Variants in PRDM16 observed in about 807,000 individuals in gnomAD.
The protein encoded by PRDM16 is PR/SET domain 16.
In PRDM16, 23 loss-of-function variants were observed where a neutral mutation model predicts 110.6. The ratio of observed to expected loss-of-function variants is 0.21; its 90% CI spans 0.15 to 0.29. The LOEUF (loss-of-function observed/expected upper bound fraction) is 0.29, where lower values mean the gene tolerates loss of function less well. Among genes scored for constraint, PRDM16 ranks in the 10% least tolerant of loss-of-function variants. The pLI, the probability that PRDM16 is intolerant of heterozygous loss-of-function variation, is 1.00. For synonymous variants in PRDM16, 799 were observed against 781.8 expected, an observed-to-expected ratio of 1.02 and a Z score of -0.37; for missense variants, 1,615 against 1,794.3, an observed-to-expected ratio of 0.90 and a Z score of 1.81.
chr1:3,386,156 G>A (rs1387208406), intron 4 of PRDM16, among the ~76,000 whole-genome samples: 1 of 152,190 alleles, frequency 6.6e-6, no homozygotes, highest in Non-Finnish European at 1.5e-5. Flanking sequence ...GGTGCCCGGG[G>A]TGCCCGGGGT....
At chr1:3,109,912 C>T (rs1396282641) in intron 1 of PRDM16, among the ~76,000 whole-genome samples, 3 of 152,280 alleles carry the variant, frequency 2.0e-5, no homozygotes, top group Non-Finnish European at 2.9e-5. Flanking sequence ...AGCAGCTCCT[C>T]CATGTCCTGC....
chr1:3,194,548 G>A (rs984497930), intron 2 of PRDM16, among the ~76,000 whole-genome samples: 2 of 151,344 alleles, frequency 1.3e-5, no homozygotes, highest in African/African-American at 2.5e-5. Flanking sequence ...ATCAAGGCTG[G>A]ACTCTGCGGC....
intron 16 of PRDM16, 106 bp downstream of exon 16, chr1:3,432,246 G>C: frequency 9.7e-7 from 1 of 1,026,710 alleles, no homozygotes; most frequent in Non-Finnish European, 1.5e-6. Flanking sequence ...AGGAAGCTCT[G>C]GTCACGCAAA....
chr1:3,284,789 G>A (rs544348676), intron 3 of PRDM16, among the ~76,000 whole-genome samples: 4 of 152,342 alleles, frequency 2.6e-5, no homozygotes, highest in African/African-American at 9.6e-5. Flanking sequence ...GCCTGGGGTG[G>A]CCAAGCCTGG....
intron 3 of PRDM16, among the ~76,000 whole-genome samples, chr1:3,335,531 CCAAA>C (rs1642125829): frequency 6.7e-6 from 1 of 148,304 alleles, no homozygotes; most frequent in South Asian, 2.1e-4. Flanking sequence ...ACTGGCCAAT[CCAAA>C]CAAACAAACA....
intron 2 of PRDM16, among the ~76,000 whole-genome samples, chr1:3,199,981 A>T (rs1459140286): frequency 1.3e-5 from 2 of 152,270 alleles, no homozygotes; most frequent in African/African-American, 2.4e-5. Context: ...CAGAGGCTAC[A>T]GGCCTCCCAG....
intron 3 of PRDM16, among the ~76,000 whole-genome samples, chr1:3,258,411 T>C (rs917970977): frequency 6.6e-6 from 1 of 152,248 alleles, no homozygotes; most frequent in Non-Finnish European, 1.5e-5. Flanking sequence ...AATACTCTCT[T>C]TCAGCGTTGG....
chr1:3,332,354 G>A (rs75524828), intron 3 of PRDM16, among the ~76,000 whole-genome samples: 3,249 of 149,404 alleles, frequency 0.022, 180 homozygotes, highest in East Asian at 0.12. Flanking sequence ...TGGATTAGGC[G>A]AGTAATCCCC....
intron 1 of PRDM16, among the ~76,000 whole-genome samples, chr1:3,097,317 T>G (rs929943612): frequency 3.3e-5 from 5 of 152,220 alleles, no homozygotes; most frequent in African/African-American, 1.2e-4. Flanking sequence ...TGACGGTGTC[T>G]GCCTGGCAGG....
chr1:3,145,697 T>A (rs1310099273), intron 1 of PRDM16, among the ~76,000 whole-genome samples: 1 of 152,138 alleles, frequency 6.6e-6, no homozygotes, highest in East Asian at 1.9e-4. Context: ...CCGCTCCCGG[T>A]CTCTCACTTC....
intron 1 of PRDM16, among the ~76,000 whole-genome samples, chr1:3,103,994 G>C (rs749300159): frequency 2.6e-5 from 4 of 152,248 alleles, no homozygotes; most frequent in African/African-American, 4.8e-5. Context: ...AAACCCAGCA[G>C]CTTTCCATAA....
chr1:3,371,628 C>T (rs891246426), intron 3 of PRDM16, among the ~76,000 whole-genome samples: 16 of 152,218 alleles, frequency 1.1e-4, no homozygotes, highest in African/African-American at 3.6e-4. Context: ...TTCAGTGAGC[C>T]CTGACTGAAC....
rs1190077557 is a variant in PRDM16, at chr1:3,290,589, G to T, written c.438+46452G>T. On this transcript the variant is annotated intron_variant, in intron 3 of 16. Coordinates refer to ENST00000270722, the MANE Select transcript of PRDM16 (RefSeq NM_022114.4). The surrounding 1 kb of genome is among the most constrained non-coding windows in gnomAD (Gnocchi z 4.8). ...GAGGTGGCATCACTGAAGAAGCCCC[G>T]TGGCTCCGGCTCCGTCTGCAGGATC... Among the ~76,000 whole-genome samples the T allele has an allele frequency of 1.3e-5, 2 of 152,196 alleles. No individual in the cohort carries two copies. The highest frequency in any genetic ancestry group is 2.9e-5 in the Non-Finnish European group (2 of 68,032).
At chr1:3,396,117 C>T (rs572127238) in intron 4 of PRDM16, among the ~76,000 whole-genome samples, 4 of 152,254 alleles carry the variant, frequency 2.6e-5, no homozygotes, top group Admixed American at 1.3e-4. Flanking sequence ...ACTGGCAAAG[C>T]GGGTCTCACT....
chr1:3,371,882 G>A (rs543318241), intron 3 of PRDM16, among the ~76,000 whole-genome samples: 22 of 152,368 alleles, frequency 1.4e-4, no homozygotes, highest in African/African-American at 5.3e-4. Flanking sequence ...GTGGATATGA[G>A]GGTGGCTACC....
intron 3 of PRDM16, among the ~76,000 whole-genome samples, chr1:3,334,924 C>T (rs946501701): frequency 6.6e-6 from 1 of 152,220 alleles, no homozygotes; most frequent in Admixed American, 6.5e-5. Context: ...GCGCCTTCCG[C>T]GGAGGGCCAT....
In PRDM16 at chr1:3,412,450, C is replaced by G. The variant is rs1159303119; in HGVS notation, c.2253C>G (p.Val751=). 2 of 1,613,196 alleles carry G rather than the reference C, an allele frequency of 1.2e-6. No individual in the cohort carries two copies. Among genetic ancestry groups the G allele is most frequent in the African/African-American group, 1.3e-5 (1 of 74,922 alleles). ...GAGCCCTCGCCCACAACTTGCTGGT[C>G]AAGGCCGAGCCAAAGTCACCCCGGG... ...TDRALAHNLL[V]KAEPKSPRDA... Residue 751 remains valine (V), a synonymous_variant, in exon 9 of 17, where the codon GTC becomes GTG. Transcript: ENST00000270722.
chr1:3,261,646 C>T (rs562509903), intron 3 of PRDM16, among the ~76,000 whole-genome samples: 22 of 152,302 alleles, frequency 1.4e-4, no homozygotes, highest in Non-Finnish European at 2.4e-4. Context: ...ACACACCAGA[C>T]CCACCTAACT....
chr1:3,087,078 G>A (rs1642167846), intron 1 of PRDM16, among the ~76,000 whole-genome samples: 1 of 152,152 alleles, frequency 6.6e-6, no homozygotes, highest in East Asian at 1.9e-4. Flanking sequence ...ACGTGCTGCC[G>A]GCACTGTCTT....
Sources: gnomAD v4.1 joint callset for allele counts (sites outside exome capture counted in the v4.1 genomes callset) on GRCh38, gnomAD v4.1.1 for gene constraint, Gnocchi (gnomAD v3.1) non-coding constraint, MANE v1.5 for transcripts, NCBI Gene and HGNC (gene_info 2026-07-23, HGNC 2026-07-21) for gene names.